Variants in ZNF420 observed in about 807,000 individuals in gnomAD.
The protein encoded by ZNF420 is zinc finger protein 420, also known as ATM and p53-associated KZNF protein.
ZNF420 carries 31 observed loss-of-function variants against 44.7 expected under a neutral mutation model. The ratio of observed to expected loss-of-function variants is 0.69; its 90% CI spans 0.52 to 0.94. The LOEUF (loss-of-function observed/expected upper bound fraction) is 0.94, where lower values mean the gene tolerates loss of function less well. Ranked by LOEUF, ZNF420 falls within the 40% of genes least tolerant of loss-of-function variation. ZNF420 has a pLI of 0.00. For missense variants in ZNF420, 681 were observed against 827.9 expected (o/e 0.82, Z 2.18); for synonymous variants, 245 against 267.4 (o/e 0.92, Z 0.82).
chr19:37,054,300 G>A (rs372434236), intron 1 of ZNF420, among the ~76,000 whole-genome samples: 9 of 152,342 alleles, frequency 5.9e-5, no homozygotes, highest in South Asian at 2.1e-4. Flanking sequence ...GACCCCTTGC[G>A]CTTCCTGGGT....
intron 1 of ZNF420, among the ~76,000 whole-genome samples, chr19:37,045,380 T>C (rs1967525975): frequency 6.6e-6 from 1 of 152,226 alleles, no homozygotes; most frequent in Non-Finnish European, 1.5e-5. Flanking sequence ...CGTTTTGTTA[T>C]TTGTTTTGTT....
chr19:37,057,406 C>A (rs967417266), intron 1 of ZNF420, among the ~76,000 whole-genome samples: 11 of 149,982 alleles, frequency 7.3e-5, no homozygotes, highest in Admixed American at 2.7e-4. Flanking sequence ...TTGCCTGGGG[C>A]TGTGTGTTTC....
At chr19:37,084,119 TTAA>T (rs1226384885) in intron 2 of ZNF420, among the ~76,000 whole-genome samples, 1 of 152,176 alleles carries the variant, frequency 6.6e-6, no homozygotes, top group Admixed American at 6.5e-5. Flanking sequence ...GCCAATATTA[TTAA>T]TAACAGTATA....
At position 37,044,885 on chromosome 19, in the gene ZNF420, G is replaced by C. The variant is rs539547077; in HGVS notation, c.-124-35460G>C. ...TACAAGCAAGGGGTTACTTTGTACTGTGAACTGGTGTGAAGGGATCCACCA... is the reference window on the plus strand; with the variant it reads ...TACAAGCAAGGGGTTACTTTGTACTCTGAACTGGTGTGAAGGGATCCACCA... On this transcript the variant is annotated intron_variant, in intron 1 of 4. Transcript: ENST00000587029. Among the ~76,000 whole-genome samples, 8 of 152,292 alleles carry C rather than the reference G, an allele frequency of 5.3e-5. 1 individual carries two copies. Among genetic ancestry groups the C allele is most frequent in the Middle Eastern group, 3.4e-3 (1 of 294 alleles).
At chr19:37,036,097 C>A (rs1303262176) in intron 1 of ZNF420, among the ~76,000 whole-genome samples, 1 of 152,168 alleles carries the variant, frequency 6.6e-6, no homozygotes, top group Non-Finnish European at 1.5e-5. Flanking sequence ...CACTCCCTTA[C>A]CCTTCCCAGA....
At chr19:37,011,746 G>A (rs703533) in intron 1 of ZNF420, among the ~76,000 whole-genome samples, 3,663 of 152,120 alleles carry the variant, frequency 0.024, 161 homozygotes, top group African/African-American at 0.083. Context: ...TCTCGCCATC[G>A]CCCCATATGG....
upstream of ZNF420, among the ~76,000 whole-genome samples, chr19:37,073,597 C>T (rs1384331138): frequency 6.6e-6 from 1 of 151,560 alleles, no homozygotes; most frequent in African/African-American, 2.4e-5. Flanking sequence ...AAAAATTAGC[C>T]GGGCATGGTG....
chr19:37,119,723 C>T (rs1196732914), intron 4 of ZNF420, among the ~76,000 whole-genome samples: 1 of 151,764 alleles, frequency 6.6e-6, no homozygotes, highest in African/African-American at 2.4e-5. Context: ...TGATAGACTG[C>T]TAGCAAGACT....
chr19:37,091,231 C>A, intron 4 of ZNF420, 110 bp downstream of exon 4: 1 of 1,173,616 alleles, frequency 8.5e-7, no homozygotes, highest in Non-Finnish European at 1.2e-6. Context: ...TTATTCTTTT[C>A]AAAGGAGGAG....
intron 1 of ZNF420, among the ~76,000 whole-genome samples, chr19:37,026,254 C>A (rs912672696): frequency 3.3e-5 from 5 of 151,472 alleles, no homozygotes; most frequent in African/African-American, 1.2e-4. Context: ...GCCTCCTGGG[C>A]TCAAGTGATT....
At chr19:37,086,082 A>G (rs1231583778) in intron 2 of ZNF420, among the ~76,000 whole-genome samples, 1 of 151,884 alleles carries the variant, frequency 6.6e-6, no homozygotes, top group Admixed American at 6.6e-5. Context: ...GGTTGCTTAC[A>G]GGCATGAGCC....
At chr19:37,100,468 T>A (rs1011870401) in intron 4 of ZNF420, among the ~76,000 whole-genome samples, 5 of 152,096 alleles carry the variant, frequency 3.3e-5, no homozygotes, top group South Asian at 4.1e-4. Context: ...ATCCTAACAC[T>A]TTGGGAGGCT....
At chr19:37,081,214 T>C (rs1487080347) in intron 2 of ZNF420, among the ~76,000 whole-genome samples, 1 of 152,176 alleles carries the variant, frequency 6.6e-6, no homozygotes, top group East Asian at 1.9e-4. Flanking sequence ...CAGAGATCTT[T>C]TGTTACTGAT....
Position 37,038,993 on chromosome 19 carries a change from A to G in ZNF420, c.-125+30911A>G, listed in dbSNP as rs181098581. Among the ~76,000 whole-genome samples, 981 of 152,004 alleles carry G rather than the reference A, an allele frequency of 6.5e-3. 28 individuals carry two copies. Among genetic ancestry groups the G allele is most frequent in the East Asian group, 0.05 (260 of 5,192 alleles). On this transcript the variant is annotated intron_variant, in intron 1 of 4. Transcript: ENST00000587029. ...AACAATGAAACTCTGTCTCAAAAAA[A>G]AAAAGAAAAGAAAAGAAAAAAGATT...
chr19:37,119,446 A>G (rs1029694307), intron 4 of ZNF420, among the ~76,000 whole-genome samples: 2 of 152,230 alleles, frequency 1.3e-5, no homozygotes, highest in Non-Finnish European at 2.9e-5. Context: ...ACAACATACC[A>G]GAATCTCTGG....
chr19:37,047,174 A>G (rs1449005720), intron 1 of ZNF420, among the ~76,000 whole-genome samples: 1 of 152,240 alleles, frequency 6.6e-6, no homozygotes, highest in Non-Finnish European at 1.5e-5. Context: ...AATAATTTTT[A>G]AGAAATTGAA....
intron 1 of ZNF420, among the ~76,000 whole-genome samples, chr19:37,051,300 A>G (rs990566978): frequency 3.3e-5 from 5 of 152,196 alleles, no homozygotes; most frequent in Non-Finnish European, 7.3e-5. Context: ...GAATGGTACC[A>G]GCTCCTCCTT....
chr19:37,059,849 T>C (rs1967840317), intron 1 of ZNF420, among the ~76,000 whole-genome samples: 1 of 152,074 alleles, frequency 6.6e-6, no homozygotes, highest in Admixed American at 6.6e-5. Context: ...TGTGTATGTG[T>C]GTCTGTCTGT....
intron 1 of ZNF420, among the ~76,000 whole-genome samples, chr19:37,070,185 T>A (rs1234288): frequency 0.76 from 115,203 of 152,034 alleles, 44,659 homozygotes; most frequent in African/African-American, 0.91. Context: ...AGTGAAAAAG[T>A]TGGTCTTTGC....
Sources: gnomAD v4.1 joint callset for allele counts (sites outside exome capture counted in the v4.1 genomes callset) on GRCh38, gnomAD v4.1.1 for gene constraint, MANE v1.5 for transcripts, NCBI Gene and HGNC (gene_info 2026-07-23, HGNC 2026-07-21) for gene names.